Variants in UGT1A6 observed in about 807,000 individuals in gnomAD.
UGT1A6 encodes the protein UDP glucuronosyltransferase family 1 member A6.
Under a neutral mutation model 44.4 loss-of-function variants are expected in UGT1A6, and 32 were observed. The observed-to-expected ratio is 0.72, with a 90% CI of 0.54 to 0.97. UGT1A6 has a LOEUF of 0.97. Among genes scored for constraint, UGT1A6 ranks in the 50% least tolerant of loss-of-function variants. UGT1A6 has a pLI of 0.00. For synonymous variants in UGT1A6, 238 were observed against 248.5 expected, an observed-to-expected ratio of 0.96 and a Z score of 0.40; for missense variants, 685 against 661.9, an observed-to-expected ratio of 1.03 and a Z score of -0.38.
chr2:233,734,415 TTTC>T (rs2078522932), intron 1 of UGT1A6, among the ~76,000 whole-genome samples: 1 of 152,160 alleles, frequency 6.6e-6, no homozygotes, highest in African/African-American at 2.4e-5. Context: ...TCTTCTCTCT[TTTC>T]TTCTTTATTA....
intron 1 of UGT1A6, chr2:233,760,528 G>A (rs2125985500): frequency 1.2e-6 from 2 of 1,614,248 alleles, no homozygotes; most frequent in East Asian, 4.5e-5. Context: ...GACGTACCCT[G>A]TGCCATTCCA....
chr2:233,724,022 GC>G (rs2077155325), intron 1 of UGT1A6, among the ~76,000 whole-genome samples: 1 of 80,608 alleles, frequency 1.2e-5, no homozygotes, highest in Non-Finnish European at 2.3e-5. Flanking sequence ...TGTCATCCTG[GC>G]CCGTTCTCAA....
chr2:233,729,723 A>C (rs563184062), intron 1 of UGT1A6: 21 of 1,613,942 alleles, frequency 1.3e-5, no homozygotes, highest in Non-Finnish European at 1.7e-5. Flanking sequence ...GATTACTAAC[A>C]ACCAATTCAG....
Position 233,719,322 on chromosome 2 carries a change from C to T in UGT1A6, c.861+25457C>T, listed in dbSNP as rs773289420. On this transcript the variant is annotated intron_variant, in intron 1 of 4. Transcript: ENST00000305139. ...GGTGCTGGCTAAGTACCTGTCGATT[C>T]CTGCTGTGTTTTTTTGGAGGTACAT... The T allele has an allele frequency of 3.1e-6, 5 of 1,613,788 alleles. No individual in the cohort carries two copies. In the African/African-American group the frequency reaches 6.7e-5, roughly 22 times the overall value.
At chr2:233,710,529 T>A (rs1407208891) in intron 1 of UGT1A6, among the ~76,000 whole-genome samples, 1 of 152,266 alleles carries the variant, frequency 6.6e-6, no homozygotes, top group Admixed American at 6.5e-5. Flanking sequence ...AATCTTTTCA[T>A]GTGCTTATTG....
At position 233,767,125 on chromosome 2, in the gene UGT1A6, C is replaced by T. The variant is rs775405878; in HGVS notation, c.953C>T (p.Ala318Val). 2.5e-6 allele frequency: 4 copies of T among 1,614,092 alleles called. No individual in the cohort carries two copies. Among genetic ancestry groups the T allele is most frequent in the Non-Finnish European group, 3.4e-6 (4 of 1,180,014 alleles). The part of the protein sequence containing the change: ...SMVSEIPEKK[A>V]MAIADALGKI... ...GTCTCAGAAATTCCAGAGAAGAAAG[C>T]TATGGCAATTGCTGATGCTTTGGGC... Residue 318 changes from alanine to valine, a missense_variant, in exon 2 of 5, where the codon GCT becomes GTT. By Grantham distance (64) the Ala-to-Val change is moderately conservative. Coordinates refer to ENST00000305139, the MANE Select transcript of UGT1A6 (RefSeq NM_001072.4).
chr2:233,727,313 C>G (rs2077603971), intron 1 of UGT1A6, among the ~76,000 whole-genome samples: 1 of 152,152 alleles, frequency 6.6e-6, no homozygotes, highest in African/African-American at 2.4e-5. Context: ...CCTTCTGTTT[C>G]CCAGGCACCA....
intron 1 of UGT1A6, among the ~76,000 whole-genome samples, chr2:233,710,471 G>A (rs963100738): frequency 2.6e-5 from 4 of 152,226 alleles, no homozygotes. Flanking sequence ...TGGGTGTGTA[G>A]TAGAATTTCA....
At chr2:233,706,618 G>A (rs2075916181) in intron 1 of UGT1A6, among the ~76,000 whole-genome samples, 1 of 152,146 alleles carries the variant, frequency 6.6e-6, no homozygotes, top group East Asian at 1.9e-4. Context: ...GAAGACTAGA[G>A]AAATGAGTGT....
chr2:233,700,381 G>T (rs1575468100), intron 1 of UGT1A6, among the ~76,000 whole-genome samples: 1 of 152,232 alleles, frequency 6.6e-6, no homozygotes, highest in East Asian at 1.9e-4. Context: ...GGCATTTCCA[G>T]GCATGTGGAA....
chr2:233,770,554 A>G (rs1700106811), intron 4 of UGT1A6: 1 of 152,026 alleles, frequency 6.6e-6, no homozygotes, highest in Non-Finnish European at 1.5e-5. Flanking sequence ...GCTATTTGGG[A>G]GGCTGAGGCA....
chr2:233,745,708 C>G (rs571256965), intron 1 of UGT1A6, among the ~76,000 whole-genome samples: 5 of 149,444 alleles, frequency 3.3e-5, no homozygotes, highest in South Asian at 2.1e-4. Context: ...AACAAGTGAT[C>G]CAGAATGGCT....
In UGT1A6 at chr2:233,693,473, G is replaced by T; in HGVS notation, c.469G>T (p.Val157Leu). Residue 157 changes from valine (V) to leucine (L), a missense_variant, in exon 1 of 5, where the codon GTG becomes TTG. Transcript: ENST00000305139. ...LFTDPALPCG[V>L]ILAEYLGLPS... Reference sequence around the variant, plus strand: ...CACAGACCCAGCCTTACCCTGTGGGGTGATCCTGGCTGAGTATTTGGGCCT... The same window carrying T: ...CACAGACCCAGCCTTACCCTGTGGGTTGATCCTGGCTGAGTATTTGGGCCT... The T allele has an allele frequency of 6.2e-7, 1 of 1,614,174 alleles. No homozygotes were observed. Among genetic ancestry groups the T allele is most frequent in the Non-Finnish European group, 8.5e-7 (1 of 1,180,038 alleles).
intron 1 of UGT1A6, chr2:233,740,704 A>G (rs1042428979): frequency 6.6e-6 from 1 of 151,780 alleles, no homozygotes; most frequent in African/African-American, 2.4e-5. Context: ...AGGGATTTCA[A>G]GAGGGTCATC....
chr2:233,757,535 A>AATATATATATATATATATATATATAT (rs67292694), intron 1 of UGT1A6, among the ~76,000 whole-genome samples: 77 of 88,242 alleles, frequency 8.7e-4, no homozygotes, highest in East Asian at 3.1e-3. Context: ...GCCTGTAAGG[A>AATATATATATATATATATATATATAT]ATATATATAT....
chr2:233,724,349 A>G (rs1243720800), intron 1 of UGT1A6, among the ~76,000 whole-genome samples: 1 of 126,480 alleles, frequency 7.9e-6, no homozygotes, highest in Admixed American at 7.8e-5. Flanking sequence ...GACCCCCCCC[A>G]CCTCCCTCCC....
intron 1 of UGT1A6, chr2:233,718,844 C>G (rs1382357882): frequency 6.2e-7 from 1 of 1,613,706 alleles, no homozygotes; most frequent in Non-Finnish European, 8.5e-7. Flanking sequence ...TCCAGGTTCC[C>G]CTGCCGCGGC....
At chr2:233,724,403 T>TG (rs2077252164) in intron 1 of UGT1A6, among the ~76,000 whole-genome samples, 1 of 115,960 alleles carries the variant, frequency 8.6e-6, no homozygotes, top group Non-Finnish European at 1.8e-5. Flanking sequence ...ACTTCCCAGA[T>TG]GGGGTGGCTG....
intron 1 of UGT1A6, among the ~76,000 whole-genome samples, chr2:233,758,201 G>A (rs1696819770): frequency 6.6e-6 from 1 of 152,182 alleles, no homozygotes; most frequent in African/African-American, 2.4e-5. Flanking sequence ...GCTTAGTAGT[G>A]GTTCTCTGTT....
Sources: gnomAD v4.1 joint callset for allele counts (sites outside exome capture counted in the v4.1 genomes callset) on GRCh38, gnomAD v4.1.1 for gene constraint, MANE v1.5 for transcripts, NCBI Gene and HGNC (gene_info 2026-07-23, HGNC 2026-07-21) for gene names.